PPP2R2B: variants seen among roughly 807,000 people sequenced by gnomAD.
PPP2R2B encodes the protein serine/threonine-protein phosphatase 2A 55 kDa regulatory subunit B beta isoform.
In PPP2R2B, 5 loss-of-function variants were observed where a neutral mutation model predicts 46.0. The ratio of observed to expected loss-of-function variants is 0.11; its 90% CI spans 0.06 to 0.23. The LOEUF (loss-of-function observed/expected upper bound fraction) is 0.23. Among genes scored for constraint, PPP2R2B ranks in the 10% least tolerant of loss-of-function variants. PPP2R2B has a pLI of 1.00. For synonymous variants in PPP2R2B, 215 were observed against 206.7 expected (o/e 1.04, Z -0.34); for missense variants, 367 against 575.0 (o/e 0.64, Z 3.70).
intron 1 of PPP2R2B, among the ~76,000 whole-genome samples, chr5:147,006,578 T>C (rs552994341): frequency 6.6e-6 from 1 of 152,122 alleles, no homozygotes; most frequent in Admixed American, 6.5e-5. Flanking sequence ...GAATAGCAGG[T>C]TTATCTATTT....
chr5:146,719,803 T>TTTTTTTTTTTTTTG (rs1418579202), intron 2 of PPP2R2B, among the ~76,000 whole-genome samples: 1 of 152,018 alleles, frequency 6.6e-6, no homozygotes, highest in African/African-American at 2.4e-5. Context: ...AATGAGTTTC[T>TTTTTTTTTTTTTTG]ATCATCTAAA....
At chr5:146,875,664 A>C (rs1761856521) in intron 2 of PPP2R2B, among the ~76,000 whole-genome samples, 1 of 152,244 alleles carries the variant, frequency 6.6e-6, no homozygotes. Flanking sequence ...ATAACTGAGC[A>C]GGTAGGAGGA....
upstream of PPP2R2B, among the ~76,000 whole-genome samples, chr5:147,059,780 T>C (rs1030531434): frequency 6.6e-6 from 1 of 152,172 alleles, no homozygotes; most frequent in Non-Finnish European, 1.5e-5. Context: ...TTCTTTAGAC[T>C]GACCTCCTGG....
At chr5:147,065,855 G>T (rs1757399710) in intron 2 of PPP2R2B, among the ~76,000 whole-genome samples, 2 of 152,036 alleles carry the variant, frequency 1.3e-5, no homozygotes, top group South Asian at 4.2e-4. Context: ...AAGAGTTTAT[G>T]GGGTGCCTGC....
chr5:146,631,470 C>T lies in PPP2R2B; in HGVS notation c.790+6781G>A, dbSNP rs79041550. Among the ~76,000 whole-genome samples the T allele has an allele frequency of 7.7e-3, 1,171 of 152,316 alleles. 23 individuals are homozygous for T. The highest frequency in any genetic ancestry group is 0.024 in the African/African-American group (1,016 of 41,570). ...AAACATCTCTCCACTTGCTCCATCTCTGTGTCCCCAGGTCTTTGGCAAGTC... is the reference window on the plus strand; with the variant it reads ...AAACATCTCTCCACTTGCTCCATCTTTGTGTCCCCAGGTCTTTGGCAAGTC... On this transcript the variant is annotated intron_variant, in intron 7 of 9. Coordinates refer to ENST00000394411, the MANE Select transcript of PPP2R2B (RefSeq NM_181675.4).
At chr5:146,828,261 T>TAA (rs1218241360) in intron 2 of PPP2R2B, among the ~76,000 whole-genome samples, 3,397 of 147,646 alleles carry the variant, frequency 0.023, 34 homozygotes, top group Middle Eastern at 0.046. Context: ...TTACTTTTTT[T>TAA]AAAAAAAAAA....
Position 146,638,120 on chromosome 5 carries a change from T to C in PPP2R2B, c.790+131A>G, listed in dbSNP as rs151145590. ...TTTACTGAAATATAAAATACGGAGC[T>C]GACTCCCACTTGTAGTTTCTTTACT... is the stretch of plus-strand genomic sequence containing the variant. On this transcript the variant is annotated intron_variant, in intron 7 of 9. Coordinates refer to ENST00000394411, the MANE Select transcript of PPP2R2B (RefSeq NM_181675.4). 1.4e-3 allele frequency: 1,142 copies of C among 810,862 alleles called. 13 individuals are homozygous for C. The African/African-American group carries it at 0.018, about 13-fold the overall frequency. The allele number at this position is 810,862 out of a possible 1,614,324, so 50.2% of individuals were successfully genotyped here.
At chr5:147,058,460 G>A (rs1757158385), upstream of PPP2R2B, among the ~76,000 whole-genome samples, 1 of 152,054 alleles carries the variant, frequency 6.6e-6, no homozygotes, top group African/African-American at 2.4e-5. Flanking sequence ...GAGGATGCTG[G>A]CCATAGCTAT....
intron 2 of PPP2R2B, among the ~76,000 whole-genome samples, chr5:146,810,723 T>G (rs1245677418): frequency 2.0e-5 from 3 of 151,932 alleles, no homozygotes; most frequent in Non-Finnish European, 4.4e-5. Flanking sequence ...TTCTTTTTAA[T>G]ATATATATTT....
intron 2 of PPP2R2B, among the ~76,000 whole-genome samples, chr5:146,836,068 AT>A (rs1350353053): frequency 6.6e-6 from 1 of 152,212 alleles, no homozygotes; most frequent in African/African-American, 2.4e-5. Context: ...CTGACACATA[AT>A]AAATATTCAA....
At chr5:146,920,253 A>T (rs1349914683) in intron 1 of PPP2R2B, among the ~76,000 whole-genome samples, 1 of 152,198 alleles carries the variant, frequency 6.6e-6, no homozygotes, top group South Asian at 2.1e-4. Flanking sequence ...AGCAAGTTGC[A>T]TCATAGTTGC....
intron 5 of PPP2R2B, among the ~76,000 whole-genome samples, chr5:146,660,051 A>C (rs376966770): frequency 2.0e-4 from 30 of 152,308 alleles, no homozygotes; most frequent in African/African-American, 6.7e-4. Context: ...TAAAAAGCTG[A>C]AAGCTCTCCT....
At chr5:146,756,332 C>A (rs539670506) in intron 2 of PPP2R2B, among the ~76,000 whole-genome samples, 16 of 152,266 alleles carry the variant, frequency 1.1e-4, no homozygotes, top group Admixed American at 8.5e-4. Context: ...CTTTCAATCC[C>A]AGCATCTGCA....
chr5:146,904,094 G>C (rs1014625465), intron 1 of PPP2R2B, among the ~76,000 whole-genome samples: 62 of 152,252 alleles, frequency 4.1e-4, no homozygotes, highest in African/African-American at 1.5e-3. Context: ...TAGTAGGCTA[G>C]TATTTGTAGA....
In PPP2R2B at chr5:146,707,168, G is replaced by A. The variant is rs192055387; in HGVS notation, c.71-6026C>T. ...TCCTGGCCCAGAGTCTCCAGCTGCC[G>A]CCTAAGGCTGTTGATGTAGCTCTCG... On this transcript the variant is annotated intron_variant, in intron 2 of 9. Transcript: ENST00000394411. 27 of 1,592,280 alleles carry A rather than the reference G, an allele frequency of 1.7e-5. No individual in the cohort carries two copies. In the East Asian group the frequency reaches 4.9e-4, roughly 29 times the overall value.
intron 1 of PPP2R2B, among the ~76,000 whole-genome samples, chr5:146,886,791 T>G (rs1460508746): frequency 6.6e-6 from 1 of 152,128 alleles, no homozygotes; most frequent in Non-Finnish European, 1.5e-5. Context: ...ATGCATCATT[T>G]TAGATTTTTT....
intron 2 of PPP2R2B, among the ~76,000 whole-genome samples, chr5:146,757,374 C>T (rs1167334919): frequency 6.6e-6 from 1 of 152,108 alleles, no homozygotes; most frequent in Admixed American, 6.5e-5. Context: ...AAAGATAGTA[C>T]TGGCTGCCAT....
At chr5:146,639,113 T>C (rs533955666) in intron 6 of PPP2R2B, among the ~76,000 whole-genome samples, 96 of 152,360 alleles carry the variant, frequency 6.3e-4, no homozygotes, top group Non-Finnish European at 1.2e-3. Context: ...GTCACATGGC[T>C]AAGTGACAAC....
intron 2 of PPP2R2B, among the ~76,000 whole-genome samples, chr5:146,819,945 TATG>T (rs1197494024): frequency 6.6e-6 from 1 of 152,150 alleles, no homozygotes; most frequent in Non-Finnish European, 1.5e-5. Context: ...CAGAAAACAT[TATG>T]ATAAGTCAAA....
Sources: gnomAD v4.1 joint callset for allele counts (sites outside exome capture counted in the v4.1 genomes callset) on GRCh38, gnomAD v4.1.1 for gene constraint, MANE v1.5 for transcripts, NCBI Gene and HGNC (gene_info 2026-07-23, HGNC 2026-07-21) for gene names.